Variants in IFT88 observed in about 807,000 individuals in gnomAD.
IFT88 encodes intraflagellar transport protein 88 homolog.
A neutral mutation model predicts 119.5 loss-of-function variants in IFT88; 74 were observed. That is an observed-to-expected ratio of 0.62 (90% CI 0.51 to 0.75). IFT88 has a LOEUF of 0.75. Ranked by LOEUF, IFT88 falls within the 30% of genes least tolerant of loss-of-function variation. IFT88 has a pLI of 0.00. For missense variants in IFT88, 961 were observed against 977.7 expected (o/e 0.98, Z 0.23); for synonymous variants, 279 against 316.7 (o/e 0.88, Z 1.26).
In IFT88 at chr13:20,638,473, G is replaced by C. The variant is rs1453004645; in HGVS notation, c.1528G>C (p.Ala510Pro). ...GAAGGCCGCTGAATTCTATAAAGAGGCTCTAAGAAATGATTCTTCTTGTAC... is the reference window on the plus strand; with the variant it reads ...GAAGGCCGCTGAATTCTATAAAGAGCCTCTAAGAAATGATTCTTCTTGTAC... Reference protein sequence around the residue: ...YEKAAEFYKEALRNDSSCTEA... With the variant: ...YEKAAEFYKEPLRNDSSCTEA... The change falls in exon 17 of 26, where the codon GCT (alanine) becomes CCT (proline). Residue 510 changes from alanine to proline, a missense_variant. Coordinates refer to ENST00000351808, the MANE Select transcript of IFT88 (RefSeq NM_006531.5). The C allele has an allele frequency of 2.6e-6, 4 of 1,518,494 alleles. No homozygotes were observed. In the Admixed American group the frequency reaches 9.6e-5, roughly 36 times the overall value. The allele number at this position is 1,518,494 out of a possible 1,614,324, so 94.1% of individuals were successfully genotyped here.
chr13:20,567,987 C>G (rs2035268358), intron 1 of IFT88: 1 of 712,514 alleles, frequency 1.4e-6, no homozygotes, highest in South Asian at 1.5e-5. Flanking sequence ...ATGAAATTCA[C>G]AAACACTAAG....
At chr13:20,579,473 T>G (rs1229295511) in intron 2 of IFT88, among the ~76,000 whole-genome samples, 1 of 152,238 alleles carries the variant, frequency 6.6e-6, no homozygotes, top group African/African-American at 2.4e-5. Context: ...CGCCAATGTT[T>G]ACTTAAGGCC....
chr13:20,621,482 A>G (rs2046458413), intron 14 of IFT88, among the ~76,000 whole-genome samples: 1 of 149,228 alleles, frequency 6.7e-6, no homozygotes, highest in Non-Finnish European at 1.5e-5. Flanking sequence ...ATTTCCACAT[A>G]TATTTTAAAA....
intron 16 of IFT88, among the ~76,000 whole-genome samples, chr13:20,636,357 A>C (rs2049019256): frequency 6.6e-6 from 1 of 152,212 alleles, no homozygotes; most frequent in African/African-American, 2.4e-5. Context: ...GACATGAAGT[A>C]ATTTTATTTT....
chr13:20,626,036 G>GTT (rs2047239845), intron 15 of IFT88, among the ~76,000 whole-genome samples, 187 bp downstream of exon 15: 2 of 92,980 alleles, frequency 2.2e-5, no homozygotes, highest in Non-Finnish European at 2.2e-5. Context: ...TTGCCTGTTT[G>GTT]TCGTTTCTTT....
At chr13:20,645,056 C>G in intron 20 of IFT88, 98 bp downstream of exon 20, 1 of 552,700 alleles carries the variant, frequency 1.8e-6, no homozygotes, top group Non-Finnish European at 3.3e-6. Flanking sequence ...AATTCAAGAA[C>G]AGATGTTGAT....
chr13:20,575,065 GT>G (rs59057674), intron 2 of IFT88, among the ~76,000 whole-genome samples: 106,885 of 143,080 alleles, frequency 0.75, 40,240 homozygotes, highest in East Asian at 0.98. Context: ...CTTTCTTTTT[GT>G]TTTTTTTTTT....
chr13:20,646,116 G>A (rs533493885), intron 20 of IFT88, among the ~76,000 whole-genome samples: 12 of 149,348 alleles, frequency 8.0e-5, no homozygotes, highest in African/African-American at 2.1e-4. Flanking sequence ...GTCAGATGTT[G>A]ATTAACAGTC....
intron 2 of IFT88, among the ~76,000 whole-genome samples, chr13:20,581,279 A>G (rs1388972531): frequency 2.6e-5 from 4 of 152,224 alleles, no homozygotes; most frequent in African/African-American, 9.6e-5. Flanking sequence ...TTTGTTAACA[A>G]AGTGGCAAAG....
chr13:20,592,979 C>A (rs2040969497), intron 7 of IFT88, among the ~76,000 whole-genome samples: 1 of 152,012 alleles, frequency 6.6e-6, no homozygotes, highest in Non-Finnish European at 1.5e-5. Context: ...AAGATATGGT[C>A]TAATTTTTTA....
intron 16 of IFT88, among the ~76,000 whole-genome samples, chr13:20,634,735 C>CAA (rs377403226): frequency 0.048 from 6,073 of 125,774 alleles, 161 homozygotes; most frequent in Middle Eastern, 0.081. Flanking sequence ...CTCAAACAAA[C>CAA]AAAAAAAAAA....
At chr13:20,657,354 A>G (rs1466307961) in intron 22 of IFT88, among the ~76,000 whole-genome samples, 2 of 152,228 alleles carry the variant, frequency 1.3e-5, no homozygotes, top group Non-Finnish European at 2.9e-5. Context: ...AAGCACAGTC[A>G]TATGCCACAT....
intron 21 of IFT88, among the ~76,000 whole-genome samples, chr13:20,654,578 T>C (rs1333356499): frequency 6.6e-6 from 1 of 152,164 alleles, no homozygotes; most frequent in Non-Finnish European, 1.5e-5. Flanking sequence ...AAGTATTCAA[T>C]CTAAGGGAAG....
intron 22 of IFT88, among the ~76,000 whole-genome samples, chr13:20,657,614 T>C (rs2053054388): frequency 6.6e-6 from 1 of 152,138 alleles, no homozygotes; most frequent in African/African-American, 2.4e-5. Flanking sequence ...AATAATATGC[T>C]GGAAACGACC....
intron 24 of IFT88, among the ~76,000 whole-genome samples, chr13:20,686,616 T>C (rs2057940320): frequency 6.6e-6 from 1 of 150,786 alleles, no homozygotes. Flanking sequence ...TGTACTCAGT[T>C]TCACAAAATC....
At chr13:20,580,781 A>T (rs996723468) in intron 2 of IFT88, among the ~76,000 whole-genome samples, 1 of 137,762 alleles carries the variant, frequency 7.3e-6, no homozygotes, top group Non-Finnish European at 1.5e-5. Flanking sequence ...GGTGGAGTGC[A>T]TTGGCGCGAC....
intron 23 of IFT88, among the ~76,000 whole-genome samples, chr13:20,669,159 C>T (rs905088990): frequency 6.6e-6 from 1 of 152,106 alleles, no homozygotes; most frequent in African/African-American, 2.4e-5. Flanking sequence ...ACGTGGTAGG[C>T]CTTGATTCTA....
In IFT88 at chr13:20,595,742, T is replaced by C. The variant is rs77176880; in HGVS notation, c.399-408T>C. The stretch of plus-strand genomic sequence containing the variant: ...TGAAGTTTAAATGCACATTGTTCAA[T>C]GTTGAAAGTAAATTAGGCTGGGTGT... On this transcript the variant is annotated intron_variant, in intron 7 of 25. Transcript: ENST00000351808. Among the ~76,000 whole-genome samples the C allele has an allele frequency of 6.1e-3, 923 of 152,250 alleles. 14 individuals carry two copies. The highest frequency in any genetic ancestry group is 0.021 in the African/African-American group (880 of 41,542).
In IFT88 at chr13:20,583,033, A is replaced by T. The variant is rs182235609; in HGVS notation, c.153+14A>T. The T allele has an allele frequency of 1.3e-4, 200 of 1,580,148 alleles. 1 individual carries two copies. The African/African-American group carries it at 2.2e-3, about 17-fold the overall frequency. ...AGAAGACCTCCAGTAAGTGAAAAAAATTTTTTTTAAATTGTGGTAAAAAAT... is the reference window on the plus strand; with the variant it reads ...AGAAGACCTCCAGTAAGTGAAAAAATTTTTTTTTAAATTGTGGTAAAAAAT... On this transcript the variant is annotated intron_variant, in intron 3 of 25. Coordinates refer to ENST00000351808, the MANE Select transcript of IFT88 (RefSeq NM_006531.5).
Sources: gnomAD v4.1 joint callset for allele counts (sites outside exome capture counted in the v4.1 genomes callset) on GRCh38, gnomAD v4.1.1 for gene constraint, MANE v1.5 for transcripts, NCBI Gene and HGNC (gene_info 2026-07-23, HGNC 2026-07-21) for gene names.